Variants in AOPEP observed in about 807,000 individuals in gnomAD.
AOPEP encodes aminopeptidase O.
A neutral mutation model predicts 98.1 loss-of-function variants in AOPEP; 77 were observed. The observed-to-expected ratio is 0.78, with a 90% CI of 0.65 to 0.95. AOPEP has a LOEUF of 0.95. Among genes scored for constraint, AOPEP ranks in the 40% least tolerant of loss-of-function variants. AOPEP has a pLI of 0.00. For synonymous variants in AOPEP, 346 were observed against 365.3 expected (o/e 0.95, Z 0.60); for missense variants, 1,024 against 1,024.7 (o/e 1.00, Z 0.01).
chr9:94,911,709 C>T (rs2052063881), intron 5 of AOPEP, among the ~76,000 whole-genome samples: 1 of 152,062 alleles, frequency 6.6e-6, no homozygotes, highest in African/African-American at 2.4e-5. Flanking sequence ...TGGAAATTGG[C>T]CTCGAATACA....
At chr9:94,894,894 G>A (rs942920999) in intron 5 of AOPEP, among the ~76,000 whole-genome samples, 5 of 152,134 alleles carry the variant, frequency 3.3e-5, no homozygotes, top group African/African-American at 1.2e-4. Context: ...CTTAAGAAAT[G>A]TGTTAGGAAA....
the AOPEP span, among the ~76,000 whole-genome samples, chr9:95,144,853 G>A: frequency 6.6e-6 from 1 of 152,180 alleles, no homozygotes; most frequent in Non-Finnish European, 1.5e-5. Flanking sequence ...ATCGAGCGCC[G>A]CGCCGCACGT....
At chr9:95,011,820 A>G (rs2062547607) in intron 13 of AOPEP, among the ~76,000 whole-genome samples, 1 of 152,190 alleles carries the variant, frequency 6.6e-6, no homozygotes, top group Non-Finnish European at 1.5e-5. Flanking sequence ...TCAAAAACAA[A>G]AACAAAAAAA....
At chr9:95,085,360 C>T (rs1564623017) in intron 16 of AOPEP, 9 of 489,008 alleles carry the variant, frequency 1.8e-5, no homozygotes, top group Non-Finnish European at 3.4e-5. Context: ...AGGTGCATCT[C>T]GTAGCTCTTC....
chr9:95,115,169 T>C, the AOPEP span, among the ~76,000 whole-genome samples: 1 of 152,238 alleles, frequency 6.6e-6, no homozygotes, highest in African/African-American at 2.4e-5. Flanking sequence ...CTCAAATTCC[T>C]GGGCTCAAGT....
At chr9:95,107,384 G>A in the AOPEP span, 11 of 1,126,576 alleles carry the variant, frequency 9.8e-6, no homozygotes, top group South Asian at 9.3e-5. Flanking sequence ...ACTGGCCCCT[G>A]AGAGAGGGAG....
intron 5 of AOPEP, among the ~76,000 whole-genome samples, chr9:94,879,061 A>T (rs1367865161): frequency 6.6e-6 from 1 of 152,226 alleles, no homozygotes; most frequent in Non-Finnish European, 1.5e-5. Flanking sequence ...GAGCCAGTTT[A>T]TCAATCTGGG....
chr9:94,814,323 C>T lies in AOPEP; in HGVS notation c.1364+13321C>T, dbSNP rs72746556. Among the ~76,000 whole-genome samples, 802 of 152,294 alleles carry T rather than the reference C, an allele frequency of 5.3e-3. 12 individuals are homozygous for T. The highest frequency in any genetic ancestry group is 0.044 in the South Asian group (211 of 4,826). On this transcript the variant is annotated intron_variant, in intron 5 of 16. Transcript: ENST00000375315. ...GGCAGTCCCACCTTTTAGACAGCCT[C>T]CTTTCACTCTGTGGAGAAGGTCTGG... is the stretch of plus-strand genomic sequence containing the variant.
At chr9:95,025,298 A>G (rs1248745844) in intron 13 of AOPEP, among the ~76,000 whole-genome samples, 1 of 152,182 alleles carries the variant, frequency 6.6e-6, no homozygotes, top group Non-Finnish European at 1.5e-5. Context: ...GCCATTACAT[A>G]TGCTGGTGTC....
intron 5 of AOPEP, among the ~76,000 whole-genome samples, chr9:94,896,815 A>C (rs2049632760): frequency 6.6e-6 from 1 of 152,058 alleles, no homozygotes; most frequent in African/African-American, 2.4e-5. Context: ...AAAACTAAGG[A>C]ATTCGGAGTG....
At chr9:94,867,521 G>A (rs1172788190) in intron 5 of AOPEP, among the ~76,000 whole-genome samples, 6 of 152,180 alleles carry the variant, frequency 3.9e-5, no homozygotes, top group African/African-American at 1.2e-4. Flanking sequence ...CCTACTTTGC[G>A]TAGCCCATAT....
At chr9:94,881,648 G>T (rs930077651) in intron 5 of AOPEP, among the ~76,000 whole-genome samples, 17 of 152,150 alleles carry the variant, frequency 1.1e-4, no homozygotes, top group African/African-American at 3.9e-4. Context: ...TTGGGACAGA[G>T]TCCATTTATA....
At chr9:95,027,822 AT>A (rs972117962) in intron 13 of AOPEP, among the ~76,000 whole-genome samples, 9 of 152,150 alleles carry the variant, frequency 5.9e-5, no homozygotes, top group African/African-American at 1.9e-4. Flanking sequence ...GTTTCTCATT[AT>A]TTTTGCTTAT....
intron 6 of AOPEP, among the ~76,000 whole-genome samples, chr9:94,927,754 G>A (rs966664983): frequency 6.6e-6 from 1 of 152,206 alleles, no homozygotes; most frequent in African/African-American, 2.4e-5. Flanking sequence ...TCTGTTGAAC[G>A]AATTATCAGG....
At chr9:94,981,705 G>T (rs2060195834) in intron 11 of AOPEP, among the ~76,000 whole-genome samples, 1 of 152,072 alleles carries the variant, frequency 6.6e-6, no homozygotes, top group South Asian at 2.1e-4. Context: ...CTTGTTCTTT[G>T]TCCCCATCAT....
chr9:94,750,232 T>C (rs1441982789), intron 1 of AOPEP, among the ~76,000 whole-genome samples: 2 of 152,174 alleles, frequency 1.3e-5, no homozygotes, highest in Non-Finnish European at 2.9e-5. Flanking sequence ...GTTTTCCTTC[T>C]TTTCTCTCCA....
chr9:95,110,848 T>G, the AOPEP span: 1 of 1,173,796 alleles, frequency 8.5e-7, no homozygotes. Context: ...ATATTCCACA[T>G]AAAATAACAA....
chr9:95,096,880 G>A, the AOPEP span, among the ~76,000 whole-genome samples: 41 of 152,222 alleles, frequency 2.7e-4, no homozygotes, highest in African/African-American at 9.9e-4. Flanking sequence ...TTGTCTATTC[G>A]CTGTGTCTAC....
Position 95,072,042 on chromosome 9 carries a change from G to A in AOPEP, c.2233-8652G>A, listed in dbSNP as rs562430168. On this transcript the variant is annotated intron_variant, in intron 14 of 16. Transcript: ENST00000375315. ...ACCTTTTGCCTCATCTCTGTGTTCA[G>A]TGACATCATGTTGGTGGATGTTGGG... is the stretch of plus-strand genomic sequence containing the variant. 5.9e-5 allele frequency among the ~76,000 whole-genome samples: 9 copies of A among 152,310 alleles called. No homozygotes were observed. The South Asian group carries it at 8.3e-4, about 14-fold the overall frequency.
Sources: gnomAD v4.1 joint callset for allele counts (sites outside exome capture counted in the v4.1 genomes callset) on GRCh38, gnomAD v4.1.1 for gene constraint, MANE v1.5 for transcripts, NCBI Gene and HGNC (gene_info 2026-07-23, HGNC 2026-07-21) for gene names.